The following QKI variants were observed in gnomAD, a reference collection of about 807,000 sequenced individuals.
QKI encodes KH domain-containing RNA-binding protein QKI.
Under a neutral mutation model 39.0 loss-of-function variants are expected in QKI, and 10 were observed. That is an observed-to-expected ratio of 0.26 (90% CI 0.16 to 0.43). The LOEUF is 0.43. Ranked by LOEUF, QKI falls within the 20% of genes least tolerant of loss-of-function variation. QKI has a pLI of 1.00. For missense variants in QKI, 218 were observed against 428.0 expected, an observed-to-expected ratio of 0.51 and a Z score of 4.33; for synonymous variants, 204 against 155.4, an observed-to-expected ratio of 1.31 and a Z score of -2.33.
chr6:163,458,705 A>G (rs1014359638), intron 2 of QKI, among the ~76,000 whole-genome samples: 5 of 152,250 alleles, frequency 3.3e-5, no homozygotes, highest in African/African-American at 7.2e-5. Context: ...GCCCTTTGCA[A>G]CGTTTTTGAA....
At chr6:163,451,271 A>T (rs530411337) in intron 1 of QKI, among the ~76,000 whole-genome samples, 1 of 152,328 alleles carries the variant, frequency 6.6e-6, no homozygotes, top group South Asian at 2.1e-4. Context: ...TTAAACAGTG[A>T]TTATGGATGG....
At chr6:163,564,834 T>G (rs1783254327) in intron 6 of QKI, 1 of 1,561,812 alleles carries the variant, frequency 6.4e-7, no homozygotes. Context: ...TTTCCTGAAT[T>G]GTATATGACC....
At chr6:163,455,062 T>C (rs527467937) in intron 1 of QKI, among the ~76,000 whole-genome samples, 3 of 152,294 alleles carry the variant, frequency 2.0e-5, no homozygotes, top group Non-Finnish European at 4.4e-5. Context: ...ATATGTTATT[T>C]GATTCGTATA....
intron 3 of QKI, among the ~76,000 whole-genome samples, chr6:163,516,511 T>C (rs113752351): frequency 3.8e-4 from 58 of 152,250 alleles, no homozygotes; most frequent in African/African-American, 1.4e-3. Context: ...GCCAGGATGG[T>C]CTTGATCTCT....
At chr6:163,566,444 G>C in intron 6 of QKI, 2 of 1,286,902 alleles carry the variant, frequency 1.6e-6, no homozygotes, top group Non-Finnish European at 2.0e-6. Context: ...AATATGTTTG[G>C]ATCTAATAGA....
chr6:163,424,826 T>G (rs1416446295), intron 1 of QKI, among the ~76,000 whole-genome samples: 1 of 151,900 alleles, frequency 6.6e-6, no homozygotes. Context: ...AGACAGGGTT[T>G]CACCATGTTA....
chr6:163,452,030 G>A (rs1790602523), intron 1 of QKI, among the ~76,000 whole-genome samples: 1 of 152,110 alleles, frequency 6.6e-6, no homozygotes, highest in Admixed American at 6.5e-5. Context: ...AATAAATGGG[G>A]CTCTTGCATA....
At chr6:163,565,170 A>T in intron 6 of QKI, 3 of 991,514 alleles carry the variant, frequency 3.0e-6, no homozygotes, top group Non-Finnish European at 3.6e-6. Context: ...TCTGTTGCAC[A>T]TTTCTTGAAG....
chr6:163,474,478 A>G (rs930085061), intron 2 of QKI, among the ~76,000 whole-genome samples: 1 of 152,148 alleles, frequency 6.6e-6, no homozygotes, highest in Non-Finnish European at 1.5e-5. Context: ...AGGTTGATAG[A>G]AAAAAACCCA....
intron 3 of QKI, among the ~76,000 whole-genome samples, chr6:163,492,647 A>G (rs1778131100): frequency 6.6e-6 from 1 of 152,184 alleles, no homozygotes; most frequent in African/African-American, 2.4e-5. Flanking sequence ...TTCAAATAGA[A>G]AAAAATTTTC....
chr6:163,504,843 T>A (rs1778998821), intron 3 of QKI, among the ~76,000 whole-genome samples: 1 of 152,130 alleles, frequency 6.6e-6, no homozygotes, highest in African/African-American at 2.4e-5. Flanking sequence ...CTTTCTTTCT[T>A]TTACCTGGTT....
At chr6:163,567,405 T>C (rs1783430555) in intron 7 of QKI, 2 of 985,656 alleles carry the variant, frequency 2.0e-6, no homozygotes, top group Non-Finnish European at 1.2e-6. Context: ...TCCCTTTTAT[T>C]CTTACATTCT....
At chr6:163,553,346 A>C (rs1358751867) in intron 4 of QKI, among the ~76,000 whole-genome samples, 1 of 151,878 alleles carries the variant, frequency 6.6e-6, no homozygotes, top group African/African-American at 2.4e-5. Flanking sequence ...CAAGTGATCC[A>C]CCCACCTGGC....
rs1192673300 is a variant in QKI at position 163,415,007 on chromosome 6, T to TGCGGGGG, written c.-181_-175dup. On this transcript the variant is annotated 5_prime_UTR_variant, in exon 1 of 8. Coordinates refer to ENST00000361752, the MANE Select transcript of QKI (RefSeq NM_006775.3). The stretch of plus-strand genomic sequence containing the variant: ...GCGTCGGGCCCGGGCGGAAAGTGCC[T>TGCGGGGG]GCGGGGGGCGGGCGAGCGCGCGGTG... 4.3e-6 allele frequency: 2 copies of TGCGGGGG among 464,856 alleles called. No homozygotes were observed. The highest frequency in any genetic ancestry group is 5.6e-6 in the Non-Finnish European group (2 of 358,290). The allele number at this position is 464,856 out of a possible 1,614,324, so 28.8% of individuals were successfully genotyped here. A position where few individuals can be genotyped will look rare whatever the true frequency, so the allele number is the denominator to read the frequency against.
At chr6:163,499,533 A>T (rs1397307132) in intron 3 of QKI, among the ~76,000 whole-genome samples, 1 of 152,212 alleles carries the variant, frequency 6.6e-6, no homozygotes, top group Non-Finnish European at 1.5e-5. Context: ...TAAAACGTGA[A>T]TTTGTTTTGT....
At chr6:163,457,568 G>C (rs1791013272) in intron 2 of QKI, 1 of 408,378 alleles carries the variant, frequency 2.4e-6, no homozygotes, top group African/African-American at 2.1e-5. Context: ...GCGAGGCCTA[G>C]CAATTTGCCT....
At chr6:163,477,082 T>C (rs1792672385) in intron 2 of QKI, among the ~76,000 whole-genome samples, 1 of 150,774 alleles carries the variant, frequency 6.6e-6, no homozygotes, top group Non-Finnish European at 1.5e-5. Flanking sequence ...GAGGCATGAT[T>C]TCAGCTCACG....
chr6:163,415,393 C>T (rs1383642454), intron 1 of QKI, 58 bp downstream of exon 1: 4 of 1,495,120 alleles, frequency 2.7e-6, no homozygotes, highest in South Asian at 2.3e-5. Flanking sequence ...GCCCCTTTCC[C>T]CGCTTGGGAT....
chr6:163,528,470 AC>A (rs1276405876), intron 3 of QKI, among the ~76,000 whole-genome samples: 1 of 152,140 alleles, frequency 6.6e-6, no homozygotes, highest in African/African-American at 2.4e-5. Flanking sequence ...TACAACACTT[AC>A]TGCCTGACTT....
Sources: gnomAD v4.1 joint callset for allele counts (sites outside exome capture counted in the v4.1 genomes callset) on GRCh38, gnomAD v4.1.1 for gene constraint, MANE v1.5 for transcripts, NCBI Gene and HGNC (gene_info 2026-07-23, HGNC 2026-07-21) for gene names.